The following ITGA9 variants were observed in gnomAD, a reference collection of about 807,000 sequenced individuals.
The protein encoded by ITGA9 is integrin subunit alpha 9.
ITGA9 carries 56 observed loss-of-function variants against 127.8 expected under a neutral mutation model. That is an observed-to-expected ratio of 0.44 (90% CI 0.35 to 0.55). The LOEUF (loss-of-function observed/expected upper bound fraction) is 0.55, where lower values mean the gene tolerates loss of function less well. Ranked by LOEUF, ITGA9 falls within the 20% of genes least tolerant of loss-of-function variation. The pLI, the probability that ITGA9 is intolerant of heterozygous loss-of-function variation, is 0.00. For missense variants in ITGA9, 1,196 were observed against 1,347.1 expected (o/e 0.89, Z 1.76); for synonymous variants, 508 against 514.5 (o/e 0.99, Z 0.17).
At chr3:37,729,617 G>A (rs1441808257) in intron 18 of ITGA9, among the ~76,000 whole-genome samples, 1 of 151,478 alleles carries the variant, frequency 6.6e-6, no homozygotes, top group Non-Finnish European at 1.5e-5. Context: ...GTTTCCTCGA[G>A]TTCCAGAGTA....
chr3:37,535,030 T>TAAGAATG (rs1699194807), intron 14 of ITGA9, among the ~76,000 whole-genome samples: 1 of 152,246 alleles, frequency 6.6e-6, no homozygotes, highest in African/African-American at 2.4e-5. Context: ...AAAACATTTT[T>TAAGAATG]AAAGAATGAA....
chr3:37,733,921 C>G (rs1696327581), intron 19 of ITGA9, among the ~76,000 whole-genome samples: 1 of 152,208 alleles, frequency 6.6e-6, no homozygotes, highest in Non-Finnish European at 1.5e-5. Context: ...CTAAAATAAT[C>G]TTAGTGTACC....
At chr3:37,768,915 C>T (rs1231291069) in intron 23 of ITGA9, among the ~76,000 whole-genome samples, 7 of 152,036 alleles carry the variant, frequency 4.6e-5, no homozygotes, top group Non-Finnish European at 7.4e-5. Context: ...TGGTGATGCA[C>T]GCATTCAAGG....
intron 15 of ITGA9, among the ~76,000 whole-genome samples, chr3:37,545,482 T>C (rs1267053987): frequency 6.6e-6 from 1 of 152,232 alleles, no homozygotes; most frequent in Non-Finnish European, 1.5e-5. Flanking sequence ...CTAACTGTCT[T>C]GTACCAGACT....
intron 18 of ITGA9, among the ~76,000 whole-genome samples, chr3:37,704,066 G>C: frequency 6.6e-6 from 1 of 152,146 alleles, no homozygotes; most frequent in East Asian, 1.9e-4. Context: ...TTATTTACAT[G>C]TCTTTTGGGG....
chr3:37,591,195 AT>A (rs1426800899), intron 15 of ITGA9, among the ~76,000 whole-genome samples: 1 of 151,998 alleles, frequency 6.6e-6, no homozygotes, highest in African/African-American at 2.4e-5. Flanking sequence ...CTTTCTCCTC[AT>A]TTTTTCCCCA....
At chr3:37,608,162 C>G (rs997314315) in intron 15 of ITGA9, among the ~76,000 whole-genome samples, 1 of 152,094 alleles carries the variant, frequency 6.6e-6, no homozygotes, top group African/African-American at 2.4e-5. Flanking sequence ...GGCTATATTT[C>G]CAGAATATGC....
intron 20 of ITGA9, among the ~76,000 whole-genome samples, chr3:37,740,696 G>A (rs111634235): frequency 6.6e-6 from 1 of 152,196 alleles, no homozygotes; most frequent in Non-Finnish European, 1.5e-5. Flanking sequence ...TGAGGTCTCA[G>A]TGAGGCCATG....
At chr3:37,783,138 C>CA (rs760956262) in intron 25 of ITGA9, among the ~76,000 whole-genome samples, 3,888 of 140,748 alleles carry the variant, frequency 0.028, 47 homozygotes, top group Non-Finnish European at 0.042. Flanking sequence ...GACTCTGTCT[C>CA]AAAAAAAAAA....
At chr3:37,530,912 CA>C (rs1699144848) in intron 13 of ITGA9, among the ~76,000 whole-genome samples, 1 of 151,736 alleles carries the variant, frequency 6.6e-6, no homozygotes, top group South Asian at 2.1e-4. Context: ...CCACCACACC[CA>C]GCTAATTTTT....
chr3:37,515,691 A>AC (rs1698977588), intron 9 of ITGA9, among the ~76,000 whole-genome samples: 6 of 152,166 alleles, frequency 3.9e-5, no homozygotes, highest in Non-Finnish European at 7.4e-5. Flanking sequence ...AGCCGTGATC[A>AC]TGCCACTGTA....
intron 23 of ITGA9, among the ~76,000 whole-genome samples, chr3:37,764,901 A>G (rs928731679): frequency 3.3e-5 from 5 of 152,182 alleles, no homozygotes; most frequent in Admixed American, 3.3e-4. Flanking sequence ...TTCCCTGAAC[A>G]CTTTACCTAA....
chr3:37,505,053 G>T (rs995526783), intron 6 of ITGA9, among the ~76,000 whole-genome samples: 6 of 151,916 alleles, frequency 3.9e-5, no homozygotes, highest in Non-Finnish European at 8.8e-5. Context: ...TTTTTTCACT[G>T]ACCACCCTCC....
In ITGA9 at chr3:37,803,883, G is replaced by A. The variant is rs766731973; in HGVS notation, c.2950G>A (p.Ala984Thr). The A allele has an allele frequency of 1.9e-5, 31 of 1,614,058 alleles. No homozygotes were observed. The highest frequency in any genetic ancestry group is 2.7e-5 in the African/African-American group (2 of 74,904). The change falls in exon 27 of 28, where the codon GCC becomes ACC. Residue 984 changes from alanine (A) to threonine (T), a missense_variant. Physicochemically the swap from Ala to Thr is moderately conservative, Grantham distance 58 (BLOSUM62 0). Coordinates refer to ENST00000264741, the MANE Select transcript of ITGA9 (RefSeq NM_002207.3). ...PRGYVVGWII[A>T]ISLLVGILIF... The stretch of plus-strand genomic sequence containing the variant: ...TGGCTACGTCGTGGGGTGGATCATC[G>A]CCATCAGTTTGTTGGTGGGAATCCT...
chr3:37,493,592 A>C (rs1228274203), intron 4 of ITGA9, among the ~76,000 whole-genome samples: 1 of 152,230 alleles, frequency 6.6e-6, no homozygotes, highest in Non-Finnish European at 1.5e-5. Context: ...GATGGTCTAC[A>C]GAAGTGAAGG....
At chr3:37,484,844 T>G (rs1698593042) in intron 4 of ITGA9, among the ~76,000 whole-genome samples, 1 of 152,188 alleles carries the variant, frequency 6.6e-6, no homozygotes, top group Non-Finnish European at 1.5e-5. Context: ...AGTTAATGCT[T>G]CTAAGTCCTT....
intron 24 of ITGA9, 123 bp downstream of exon 24, chr3:37,777,640 G>A (rs1696924671): frequency 4.7e-5 from 52 of 1,110,674 alleles, no homozygotes; most frequent in Non-Finnish European, 6.8e-5. Context: ...CAAAGGCACA[G>A]ACTGTGGTCA....
Position 37,653,747 on chromosome 3 carries a change from T to G in ITGA9, c.1873T>G (p.Cys625Gly). The change falls in exon 17 of 28, where the codon TGT becomes GGT. Residue 625 changes from cysteine (C) to glycine (G), a missense_variant. Physicochemically the swap from Cys to Gly is radical, Grantham distance 159. Transcript: ENST00000264741. The part of the protein sequence containing the change: ...VFERNCRSED[C>G]AADLQLQGKL... ...TGAAAGGAATTGCCGTTCAGAGGAC[T>G]GTGCCGCAGACCTGCAGCTTCAGGG... The G allele has an allele frequency of 3.7e-6, 6 of 1,614,026 alleles. No homozygotes were observed. Among genetic ancestry groups the G allele is most frequent in the Non-Finnish European group, 5.1e-6 (6 of 1,179,888 alleles).
intron 17 of ITGA9, among the ~76,000 whole-genome samples, chr3:37,683,389 A>G (rs529800532): frequency 2.4e-4 from 37 of 152,082 alleles, no homozygotes; most frequent in Non-Finnish European, 4.6e-4. Flanking sequence ...TACCCTTTGT[A>G]AGTTTTCTCC....
Sources: gnomAD v4.1 joint callset for allele counts (sites outside exome capture counted in the v4.1 genomes callset) on GRCh38, gnomAD v4.1.1 for gene constraint, MANE v1.5 for transcripts, NCBI Gene and HGNC (gene_info 2026-07-23, HGNC 2026-07-21) for gene names.